Variants in SLC6A11 observed in about 807,000 individuals in gnomAD.
SLC6A11 encodes the protein sodium- and chloride-dependent GABA transporter 3.
In SLC6A11, 25 loss-of-function variants were observed where a neutral mutation model predicts 74.8. The observed-to-expected ratio is 0.33, with a 90% CI of 0.24 to 0.47. The LOEUF is 0.47. Ranked by LOEUF, SLC6A11 falls within the 20% of genes least tolerant of loss-of-function variation. The probability of loss-of-function intolerance (pLI) is 1.00; values close to 1 mark genes in which losing one functional copy is unlikely to be tolerated. For missense variants in SLC6A11, 574 were observed against 837.0 expected (o/e 0.69, Z 3.88); for synonymous variants, 330 against 330.2 (o/e 1.00, Z 0.01).
chr3:10,869,484 C>A (rs1480477608), intron 5 of SLC6A11, among the ~76,000 whole-genome samples: 3 of 152,244 alleles, frequency 2.0e-5, no homozygotes, highest in Non-Finnish European at 1.5e-5. Flanking sequence ...GGGACTCAGA[C>A]ACACACAGGA....
chr3:10,930,781 G>A (rs1695675489), intron 10 of SLC6A11, among the ~76,000 whole-genome samples: 1 of 152,178 alleles, frequency 6.6e-6, no homozygotes, highest in Non-Finnish European at 1.5e-5. Flanking sequence ...AGCTCACCGA[G>A]TCTCTGATAC....
At chr3:10,874,573 A>G (rs990231957) in intron 5 of SLC6A11, among the ~76,000 whole-genome samples, 12 of 152,116 alleles carry the variant, frequency 7.9e-5, no homozygotes, top group African/African-American at 2.9e-4. Flanking sequence ...TAAGTATCCA[A>G]TGCATTGTTG....
At chr3:10,893,947 C>T (rs1386574032) in intron 6 of SLC6A11, among the ~76,000 whole-genome samples, 4 of 152,178 alleles carry the variant, frequency 2.6e-5, no homozygotes, top group East Asian at 1.9e-4. Flanking sequence ...TACAGCTCAA[C>T]CCAAAGCCCT....
intron 4 of SLC6A11, among the ~76,000 whole-genome samples, chr3:10,833,645 T>G (rs1424838496): frequency 1.3e-5 from 2 of 152,188 alleles, no homozygotes; most frequent in Non-Finnish European, 2.9e-5. Context: ...CAGTAAGAAT[T>G]TGAATCCTGC....
chr3:10,869,892 T>C (rs1575682761), intron 5 of SLC6A11, among the ~76,000 whole-genome samples: 1 of 151,904 alleles, frequency 6.6e-6, no homozygotes, highest in African/African-American at 2.4e-5. Context: ...CTTCAGAAGG[T>C]AGTTGGAGAT....
chr3:10,816,298 T>C lies in SLC6A11; in HGVS notation c.33T>C (p.Asn11=), dbSNP rs1227321085. The C allele has an allele frequency of 2.9e-5, 40 of 1,393,706 alleles. No homozygotes were observed. Among genetic ancestry groups the C allele is most frequent in the East Asian group, 6.3e-5 (2 of 31,848 alleles). The allele number at this position is 1,393,706 out of a possible 1,614,324, so 86.3% of individuals were successfully genotyped here. A position where few individuals can be genotyped will look rare whatever the true frequency, so the allele number is the denominator to read the frequency against. Residue 11 remains asparagine, a synonymous_variant, in exon 1 of 14, where the codon AAT becomes AAC. Coordinates refer to ENST00000254488, the MANE Select transcript of SLC6A11 (RefSeq NM_014229.3). The surrounding 1 kb of genome is among the most constrained non-coding windows in gnomAD (Gnocchi z 4.2). MTAEKALPLG[N]GKAAEEARES... is the part of the protein sequence containing the mutation. ...CGGAGAAGGCGCTGCCCCTGGGCAA[T>C]GGGAAGGCTGCTGAGGAGGCGCGGG...
At chr3:10,936,217 G>A (rs1442300046) in intron 13 of SLC6A11, among the ~76,000 whole-genome samples, 2 of 152,198 alleles carry the variant, frequency 1.3e-5, no homozygotes, top group Non-Finnish European at 2.9e-5. Context: ...TAGGGGGGTG[G>A]AGATTCTTTT....
At chr3:10,819,933 C>G in intron 3 of SLC6A11, 81 bp downstream of exon 3, 1 of 1,459,306 alleles carries the variant, frequency 6.9e-7, no homozygotes, top group Non-Finnish European at 9.4e-7. Context: ...CAGGCCAGTC[C>G]TGGTCCCTGG....
chr3:10,871,363 G>A (rs150944656), intron 5 of SLC6A11, among the ~76,000 whole-genome samples: 15 of 152,248 alleles, frequency 9.9e-5, no homozygotes, highest in Admixed American at 3.3e-4. Flanking sequence ...TGCAAGCATT[G>A]GGAATTAAGA....
At chr3:10,861,727 G>T (rs1047421376) in intron 5 of SLC6A11, among the ~76,000 whole-genome samples, 10 of 152,318 alleles carry the variant, frequency 6.6e-5, no homozygotes, top group African/African-American at 2.2e-4. Flanking sequence ...TGGGATGGCT[G>T]CCAAGTAGAG....
Position 10,918,964 on chromosome 3 carries a change from A to C in SLC6A11, c.1120+511A>C, listed in dbSNP as rs1006590750. ...CGGCTCCTGTGGCCCCACCAGCCTC[A>C]CCACCTACGATTCCCCCACACTCAC... On this transcript the variant is annotated intron_variant, in intron 8 of 13. Coordinates refer to ENST00000254488, the MANE Select transcript of SLC6A11 (RefSeq NM_014229.3). This position sits in a 1 kb window ranked among gnomAD's most constrained non-coding sequence, Gnocchi z 4.5. Among the ~76,000 whole-genome samples the C allele has an allele frequency of 9.2e-5, 14 of 151,870 alleles. No homozygotes were observed. Among genetic ancestry groups the C allele is most frequent in the Non-Finnish European group, 1.9e-4 (13 of 67,988 alleles).
intron 5 of SLC6A11, among the ~76,000 whole-genome samples, chr3:10,849,864 G>T: frequency 6.8e-6 from 1 of 146,512 alleles, no homozygotes; most frequent in Non-Finnish European, 1.5e-5. Flanking sequence ...CTTCTCTTGT[G>T]GTTTTGGTAG....
chr3:10,939,019 T>A lies in SLC6A11; in HGVS notation c.*617T>A, dbSNP rs1303541920. ...CCCTTTCCCTCCCTGGGCCTCAGTT[T>A]CCCCATCTCCCAAATGGGAGGAGGA... On this transcript the variant is annotated 3_prime_UTR_variant, in exon 14 of 14. Transcript: ENST00000254488. The A allele has an allele frequency of 6.6e-6, 1 of 152,294 alleles. No individual in the cohort carries two copies. Among genetic ancestry groups the A allele is most frequent in the Non-Finnish European group, 1.5e-5 (1 of 68,104 alleles). The allele number at this position is 152,294 out of a possible 1,614,324, so 9.4% of individuals were successfully genotyped here.
intron 7 of SLC6A11, among the ~76,000 whole-genome samples, chr3:10,917,086 A>G (rs1191735749): frequency 2.0e-5 from 3 of 152,176 alleles, no homozygotes; most frequent in African/African-American, 7.2e-5. Flanking sequence ...GCTGGAGTGT[A>G]TTACAGATTT....
chr3:10,867,548 C>A (rs988618182), intron 5 of SLC6A11, among the ~76,000 whole-genome samples: 1 of 152,242 alleles, frequency 6.6e-6, no homozygotes, highest in African/African-American at 2.4e-5. Flanking sequence ...CAACCCAAAT[C>A]CGTGTCAGGA....
intron 6 of SLC6A11, among the ~76,000 whole-genome samples, chr3:10,909,982 C>A (rs896030624): frequency 6.6e-6 from 1 of 152,232 alleles, no homozygotes; most frequent in Non-Finnish European, 1.5e-5. Flanking sequence ...TCATACCCCC[C>A]ACACATCGAA....
At chr3:10,936,053 C>T (rs1006283512) in intron 13 of SLC6A11, among the ~76,000 whole-genome samples, 3 of 152,176 alleles carry the variant, frequency 2.0e-5, no homozygotes, top group Non-Finnish European at 4.4e-5. Context: ...TCCAGAGCGG[C>T]ACTCCCTATT....
intron 11 of SLC6A11, 27 bp downstream of exon 11, chr3:10,933,280 C>T (rs1266121296): frequency 6.7e-7 from 1 of 1,492,758 alleles, no homozygotes; most frequent in East Asian, 2.3e-5. Flanking sequence ...CCCGTCCACA[C>T]CCCAGCTGCC....
chr3:10,821,731 T>G (rs1402042816), intron 3 of SLC6A11, among the ~76,000 whole-genome samples: 1 of 152,252 alleles, frequency 6.6e-6, no homozygotes, highest in African/African-American at 2.4e-5. Flanking sequence ...CACAAAGACT[T>G]TATAACTTGT....
Sources: allele counts gnomAD v4.1 joint callset (sites outside exome capture counted in the v4.1 genomes callset), GRCh38; gene constraint gnomAD v4.1.1; non-coding constraint Gnocchi (gnomAD v3.1); transcripts MANE v1.5; gene names NCBI Gene and HGNC (gene_info 2026-07-23, HGNC 2026-07-21).